ASCC3: variants seen among roughly 807,000 people sequenced by gnomAD.
ASCC3 encodes the protein activating signal cointegrator 1 complex subunit 3, also known as ASC-1 complex subunit P200.
Under a neutral mutation model 256.3 loss-of-function variants are expected in ASCC3, and 158 were observed. The ratio of observed to expected loss-of-function variants is 0.62; its 90% CI spans 0.54 to 0.70. The LOEUF is 0.70. ASCC3 is among the 30% of genes least tolerant of loss of function. The pLI is 0.00. For synonymous variants in ASCC3, 948 were observed against 883.4 expected (o/e 1.07, Z -1.30); for missense variants, 2,259 against 2,626.0 (o/e 0.86, Z 3.05).
At chr6:100,646,849 G>A in intron 21 of ASCC3, 80 bp from the exon 22 acceptor site, 1 of 1,405,282 alleles carries the variant, frequency 7.1e-7, no homozygotes, top group Non-Finnish European at 9.9e-7. Flanking sequence ...TGGGATTTCA[G>A]AGAAGGTGAT....
chr6:100,516,187 G>A lies in ASCC3; in HGVS notation c.6068C>T (p.Thr2023Met), dbSNP rs149928113. The change falls in exon 39 of 42, where the codon ACG becomes ATG. Residue 2023 changes from threonine (T) to methionine (M), a missense_variant. Thr to Met is a moderately conservative substitution (Grantham distance 81, BLOSUM62 -1). Around this residue, in one of 2 missense-constraint regions of ASCC3, gnomAD observed 1,839 missense variants for 2,206.7 expected, o/e 0.83. Transcript: ENST00000369162. ...CTTAAGAGATGGTCTTACCTGTTTCGTTTTTGCAGCATGTAGCTCACTTTC... is the reference window on the plus strand; with the variant it reads ...CTTAAGAGATGGTCTTACCTGTTTCATTTTTGCAGCATGTAGCTCACTTTC... The part of the protein sequence containing the change: ...MVESELHAAK[T>M]KQAWNFLSHL... 2.0e-4 allele frequency: 330 copies of A among 1,613,542 alleles called. 1 individual carries two copies. The Admixed American group carries it at 5.0e-3, about 24-fold the overall frequency.
intron 33 of ASCC3, among the ~76,000 whole-genome samples, chr6:100,603,033 G>A (rs562645709): frequency 2.6e-4 from 40 of 152,030 alleles, no homozygotes; most frequent in African/African-American, 9.6e-4. Context: ...CAATCACTAT[G>A]AACCAGCAAT....
chr6:100,566,060 G>A (rs559233031), intron 36 of ASCC3, among the ~76,000 whole-genome samples: 1 of 152,196 alleles, frequency 6.6e-6, no homozygotes, highest in East Asian at 1.9e-4. Flanking sequence ...AAGCAGCTCT[G>A]AATGCAAAAG....
Position 100,561,834 on chromosome 6 carries a change from T to C in ASCC3, c.5551-21447A>G, listed in dbSNP as rs201892447. ...ACAGAAAATACTTAAAAAGATGATA[T>C]AAAAGACCTAAATCTAAAAGTTGAA... On this transcript the variant is annotated intron_variant, in intron 36 of 41. Transcript: ENST00000369162. Among the ~76,000 whole-genome samples, 7 of 152,192 alleles carry C rather than the reference T, an allele frequency of 4.6e-5. No individual in the cohort carries two copies. The East Asian group carries it at 1.2e-3, about 25-fold the overall frequency.
intron 8 of ASCC3, among the ~76,000 whole-genome samples, chr6:100,775,036 C>A (rs959832832): frequency 2.6e-5 from 4 of 152,082 alleles, no homozygotes; most frequent in Admixed American, 6.6e-5. Flanking sequence ...CAAAAAATCA[C>A]ATATGCTACA....
chr6:100,782,185 GT>G (rs1782482881), intron 8 of ASCC3, among the ~76,000 whole-genome samples: 2 of 152,154 alleles, frequency 1.3e-5, no homozygotes, highest in Middle Eastern at 3.4e-3. Flanking sequence ...CTAGATCAGT[GT>G]ATTTCACAAA....
At chr6:100,590,209 C>G (rs1336622842) in intron 34 of ASCC3, 150 bp from the exon 35 acceptor site, 11 of 664,442 alleles carry the variant, frequency 1.7e-5, no homozygotes, top group Non-Finnish European at 2.9e-5. Flanking sequence ...AAATATTAAT[C>G]TTGGGTGGTA....
intron 12 of ASCC3, among the ~76,000 whole-genome samples, chr6:100,716,810 T>C (rs753014308): frequency 6.6e-6 from 1 of 151,928 alleles, no homozygotes; most frequent in African/African-American, 2.4e-5. Flanking sequence ...ATGATGCAAC[T>C]GAAAGAAAAT....
intron 8 of ASCC3, among the ~76,000 whole-genome samples, chr6:100,797,013 T>C (rs531360514): frequency 6.6e-6 from 1 of 152,238 alleles, no homozygotes; most frequent in East Asian, 1.9e-4. Context: ...GGAATTAACC[T>C]ACTCAGAAAA....
chr6:100,748,793 C>T (rs1392121325), intron 10 of ASCC3, among the ~76,000 whole-genome samples: 1 of 151,948 alleles, frequency 6.6e-6, no homozygotes, highest in Non-Finnish European at 1.5e-5. Context: ...TTCAGTTGTG[C>T]TTTCATGACT....
intron 4 of ASCC3, among the ~76,000 whole-genome samples, chr6:100,847,162 T>A (rs1772422688): frequency 6.6e-6 from 1 of 152,068 alleles, no homozygotes; most frequent in East Asian, 1.9e-4. Context: ...ACTAAGAAAA[T>A]AAAATATCCA....
intron 40 of ASCC3, 51 bp from the exon 41 acceptor site, chr6:100,510,158 A>G: frequency 1.9e-6 from 3 of 1,599,764 alleles, no homozygotes; most frequent in South Asian, 2.2e-5. Flanking sequence ...GACTTCCTAT[A>G]CCACTTGGTT....
rs570100490 is a variant in ASCC3 at position 100,702,579 on chromosome 6, G to C, written c.2151+12883C>G. Among the ~76,000 whole-genome samples, 10 of 152,216 alleles carry C rather than the reference G, an allele frequency of 6.6e-5. No individual in the cohort carries two copies. In the South Asian group the frequency reaches 2.1e-3, roughly 32 times the overall value. On this transcript the variant is annotated intron_variant, in intron 13 of 41. Coordinates refer to ENST00000369162, the MANE Select transcript of ASCC3 (RefSeq NM_006828.4). ...TAATTGGGATGGGATAAAACCACAA[G>C]AAAGAGAGCTAAATTTATAAAGGGT...
At chr6:100,694,816 A>G (rs1428518332) in intron 13 of ASCC3, among the ~76,000 whole-genome samples, 1 of 152,224 alleles carries the variant, frequency 6.6e-6, no homozygotes, top group Non-Finnish European at 1.5e-5. Flanking sequence ...AAGCTATTCC[A>G]TACATATAGT....
chr6:100,723,914 GAC>G (rs1178147830), intron 11 of ASCC3, among the ~76,000 whole-genome samples: 4 of 128,204 alleles, frequency 3.1e-5, no homozygotes, highest in African/African-American at 1.1e-4. Flanking sequence ...TTATATATAT[GAC>G]ACATATATAT....
chr6:100,508,989 T>C lies in ASCC3; in HGVS notation c.*397A>G, dbSNP rs1373860513. On this transcript the variant is annotated 3_prime_UTR_variant, in exon 42 of 42. Transcript: ENST00000369162. ...TTTATGCGGCAGAGTTAGAAATCTG[T>C]GACAAGTCCTAACACTTGTCACATC... is the stretch of plus-strand genomic sequence containing the variant. The C allele has an allele frequency of 4.4e-6, 1 of 229,610 alleles. No homozygotes were observed. Among genetic ancestry groups the C allele is most frequent in the Admixed American group, 5.2e-5 (1 of 19,136 alleles). 14.2% of individuals were successfully genotyped at this position (229,610 alleles called of 1,614,324 possible). A position where few individuals can be genotyped will look rare whatever the true frequency, so the allele number is the denominator to read the frequency against.
At position 100,662,699 on chromosome 6, in the gene ASCC3, AT is replaced by A. The variant is rs572964168; in HGVS notation, c.2287-164del. Among the ~76,000 whole-genome samples the A allele has an allele frequency of 1.0e-3, 154 of 152,182 alleles. 1 individual carries two copies. Among genetic ancestry groups the A allele is most frequent in the African/African-American group, 3.1e-3 (128 of 41,552 alleles). On this transcript the variant is annotated intron_variant, in intron 14 of 41. Coordinates refer to ENST00000369162, the MANE Select transcript of ASCC3 (RefSeq NM_006828.4). ...AATGCTTTATATAAAATCATAAAAA[AT>A]AATGTTACCTATCTTAAAAAATAGG...
At position 100,540,152 on chromosome 6, in the gene ASCC3, G is replaced by A. The variant is rs751797322; in HGVS notation, c.5775+11C>T. On this transcript the variant is annotated intron_variant, in intron 37 of 41. Coordinates refer to ENST00000369162, the MANE Select transcript of ASCC3 (RefSeq NM_006828.4). ...GAAAACACACATAGGTATTAGAAAT[G>A]ACTTTCATACCTGACATACTCTGAG... The A allele has an allele frequency of 2.5e-6, 4 of 1,598,408 alleles. No homozygotes were observed. In the South Asian group the frequency reaches 4.4e-5, roughly 18 times the overall value.
chr6:100,588,864 A>T (rs1482108174), intron 36 of ASCC3, among the ~76,000 whole-genome samples: 1 of 152,104 alleles, frequency 6.6e-6, no homozygotes, highest in African/African-American at 2.4e-5. Context: ...TAAGAGAAGG[A>T]CTTTAAAGAC....
Sources: gnomAD v4.1 joint callset for allele counts (sites outside exome capture counted in the v4.1 genomes callset) on GRCh38, gnomAD v4.1.1 for gene constraint, gnomAD v4.1.1 regional missense constraint, MANE v1.5 for transcripts, NCBI Gene and HGNC (gene_info 2026-07-23, HGNC 2026-07-21) for gene names.